The following TUBA1C variants were observed in gnomAD, a reference collection of about 807,000 sequenced individuals.
TUBA1C encodes tubulin alpha-1C chain.
A neutral mutation model predicts 34.9 loss-of-function variants in TUBA1C; 16 were observed. That is an observed-to-expected ratio of 0.46 (90% CI 0.31 to 0.70). The LOEUF (loss-of-function observed/expected upper bound fraction) is 0.70. Ranked by LOEUF, TUBA1C falls within the 30% of genes least tolerant of loss-of-function variation. The pLI is 0.05. For synonymous variants in TUBA1C, 177 were observed against 215.9 expected, an observed-to-expected ratio of 0.82 and a Z score of 1.58; for missense variants, 329 against 587.3, an observed-to-expected ratio of 0.56 and a Z score of 4.55.
At chr12:49,263,269 G>A (rs991457755), upstream of TUBA1C, among the ~76,000 whole-genome samples, 5 of 151,982 alleles carry the variant, frequency 3.3e-5, no homozygotes, top group Non-Finnish European at 5.9e-5. Context: ...TGATCCGCCC[G>A]CCTCCCAAAG....
chr12:49,256,918 G>T (rs919769709), intron 1 of TUBA1C, among the ~76,000 whole-genome samples: 3 of 152,206 alleles, frequency 2.0e-5, no homozygotes, highest in Admixed American at 6.5e-5. Flanking sequence ...GGTGGTTCAC[G>T]CCTGTAATCC....
chr12:49,260,383 C>A (rs1024794093), upstream of TUBA1C, among the ~76,000 whole-genome samples: 1 of 152,068 alleles, frequency 6.6e-6, no homozygotes, highest in Non-Finnish European at 1.5e-5. Flanking sequence ...CAGATCAGAA[C>A]AAGCCAAATC....
At chr12:49,269,057 A>G (rs903779223) in intron 1 of TUBA1C, among the ~76,000 whole-genome samples, 4 of 152,090 alleles carry the variant, frequency 2.6e-5, no homozygotes, top group Non-Finnish European at 5.9e-5. Context: ...TGGCCTGCTG[A>G]AAGATGGTTA....
chr12:49,258,547 C>T (rs1028286639), intron 1 of TUBA1C, among the ~76,000 whole-genome samples: 8 of 152,094 alleles, frequency 5.3e-5, no homozygotes, highest in Non-Finnish European at 1.2e-4. Flanking sequence ...CCTGCTTCAG[C>T]CTCCCAAGTA....
At chr12:49,268,419 A>C (rs1028867864) in intron 1 of TUBA1C, among the ~76,000 whole-genome samples, 12 of 135,896 alleles carry the variant, frequency 8.8e-5, no homozygotes, top group African/African-American at 3.1e-4. Flanking sequence ...TTTTTTTTGT[A>C]TTTTTAATAG....
At chr12:49,253,764 G>A (rs1176612406) in intron 1 of TUBA1C, among the ~76,000 whole-genome samples, 1 of 152,118 alleles carries the variant, frequency 6.6e-6, no homozygotes, top group East Asian at 1.9e-4. Flanking sequence ...CTGGACTCAA[G>A]CGATCTTCCT....
intron 1 of TUBA1C, among the ~76,000 whole-genome samples, chr12:49,230,003 G>T (rs1454215565): frequency 6.6e-6 from 1 of 151,430 alleles, no homozygotes; most frequent in Non-Finnish European, 1.5e-5. Context: ...GGCCAGGCAG[G>T]TCTCAAACTC....
intron 1 of TUBA1C, among the ~76,000 whole-genome samples, chr12:49,267,901 C>A (rs747724689): frequency 3.3e-5 from 5 of 152,198 alleles, no homozygotes; most frequent in Non-Finnish European, 7.3e-5. Context: ...TCCAAAGTGG[C>A]TAATCTGACT....
At chr12:49,267,460 ACCAGCCTGG>A (rs983145787) in intron 1 of TUBA1C, among the ~76,000 whole-genome samples, 9 of 152,136 alleles carry the variant, frequency 5.9e-5, no homozygotes, top group African/African-American at 1.7e-4. Flanking sequence ...GGAGTTCAAG[ACCAGCCTGG>A]CCAACATGGT....
At chr12:49,251,152 A>T (rs1287714214) in intron 1 of TUBA1C, among the ~76,000 whole-genome samples, 2 of 152,200 alleles carry the variant, frequency 1.3e-5, no homozygotes, top group African/African-American at 2.4e-5. Flanking sequence ...GGTGTCAGTG[A>T]GCTGAGATTG....
intron 1 of TUBA1C, among the ~76,000 whole-genome samples, chr12:49,228,435 T>C (rs1451680329): frequency 6.6e-6 from 1 of 152,230 alleles, no homozygotes; most frequent in Non-Finnish European, 1.5e-5. Flanking sequence ...ATTAATTATA[T>C]TTTTGTCTTA....
chr12:49,249,882 T>G (rs1196424818), intron 1 of TUBA1C, among the ~76,000 whole-genome samples: 1 of 150,910 alleles, frequency 6.6e-6, no homozygotes, highest in Admixed American at 6.6e-5. Context: ...ATAATAATAA[T>G]AAGATTAGCC....
intron 1 of TUBA1C, among the ~76,000 whole-genome samples, chr12:49,242,422 A>G (rs146000816): frequency 1.3e-5 from 2 of 152,268 alleles, no homozygotes; most frequent in East Asian, 1.9e-4. Context: ...CAAACCAATC[A>G]GTCAAATGGA....
At chr12:49,229,720 CTTT>C (rs1304265069) in intron 1 of TUBA1C, among the ~76,000 whole-genome samples, 2 of 151,318 alleles carry the variant, frequency 1.3e-5, no homozygotes, top group Non-Finnish European at 2.9e-5. Flanking sequence ...TTTTGTGTGA[CTTT>C]TTAAGAGATA....
At chr12:49,231,324 A>C (rs1175363944) in intron 1 of TUBA1C, among the ~76,000 whole-genome samples, 4 of 151,672 alleles carry the variant, frequency 2.6e-5, no homozygotes, top group Non-Finnish European at 5.9e-5. Flanking sequence ...ATGCACCACC[A>C]CTCCCAGCTC....
chr12:49,266,320 C>T (rs1444294119), intron 1 of TUBA1C, among the ~76,000 whole-genome samples: 2 of 150,316 alleles, frequency 1.3e-5, no homozygotes, highest in Non-Finnish European at 3.0e-5. Flanking sequence ...GTCTCAGCTA[C>T]TCGGGAGGCT....
chr12:49,273,315 AT>A lies in TUBA1C; in HGVS notation c.*90del. On this transcript the variant is annotated 3_prime_UTR_variant, in exon 4 of 4. Transcript: ENST00000301072. ...TCTATTGCCGTAAATTGTTAATAAA[AT>A]TGAAGTTTCCATTTTAAATGTCGAG... 6.2e-7 allele frequency: 1 copy of A among 1,609,428 alleles called. No individual in the cohort carries two copies. The highest frequency in any genetic ancestry group is 8.5e-7 in the Non-Finnish European group (1 of 1,176,804).
upstream of TUBA1C, among the ~76,000 whole-genome samples, chr12:49,264,165 AGCTGAGATC>A (rs1380627973): frequency 6.6e-6 from 1 of 151,206 alleles, no homozygotes; most frequent in Non-Finnish European, 1.5e-5. Context: ...GGTTGCAGTG[AGCTGAGATC>A]GCGCCACTGC....
At chr12:49,234,436 T>C (rs145012940) in intron 1 of TUBA1C, among the ~76,000 whole-genome samples, 2 of 152,362 alleles carry the variant, frequency 1.3e-5, no homozygotes, top group African/African-American at 4.8e-5. Flanking sequence ...CAGAGTAGGC[T>C]TCCAGGTTTC....
Sources: allele counts gnomAD v4.1 joint callset (sites outside exome capture counted in the v4.1 genomes callset), GRCh38; gene constraint gnomAD v4.1.1; transcripts MANE v1.5; gene names NCBI Gene and HGNC (gene_info 2026-07-23, HGNC 2026-07-21).